The following LEMD3 variants were observed in gnomAD, a reference collection of about 807,000 sequenced individuals.
LEMD3 encodes the protein inner nuclear membrane protein Man1.
Under a neutral mutation model 95.2 loss-of-function variants are expected in LEMD3, and 33 were observed. That is an observed-to-expected ratio of 0.35 (90% confidence interval 0.26 to 0.46). LEMD3 has a LOEUF of 0.46. Among genes scored for constraint, LEMD3 ranks in the 20% least tolerant of loss-of-function variants. The pLI, the probability that LEMD3 is intolerant of heterozygous loss-of-function variation, is 1.00. For missense variants in LEMD3, 1,210 were observed against 1,192.8 expected (o/e 1.01, Z -0.21); for synonymous variants, 525 against 474.6 (o/e 1.11, Z -1.38).
intron 1 of LEMD3, among the ~76,000 whole-genome samples, chr12:65,210,361 G>T (rs570974753): frequency 6.6e-6 from 1 of 152,162 alleles, no homozygotes; most frequent in East Asian, 1.9e-4. Context: ...AAAGCATCTT[G>T]TAGATTTCTT....
intron 1 of LEMD3, among the ~76,000 whole-genome samples, chr12:65,207,111 G>A (rs1169831370): frequency 2.0e-5 from 3 of 152,092 alleles, no homozygotes; most frequent in Non-Finnish European, 4.4e-5. Context: ...AGGATGAAAT[G>A]AGGTACCTCT....
In LEMD3 at chr12:65,173,768, A is replaced by G. The variant is rs17824287; in HGVS notation, c.1522+2650A>G. Among the ~76,000 whole-genome samples the G allele has an allele frequency of 2.1e-4, 32 of 152,314 alleles. No homozygotes were observed. In the East Asian group the frequency reaches 6.2e-3, roughly 29 times the overall value. ...TAACATTTGATTTTTATCCCATTAA[A>G]TATACATTATAGAAATTAATACAGA... On this transcript the variant is annotated intron_variant, in intron 1 of 12. Transcript: ENST00000308330.
chr12:65,193,361 T>C (rs1322035309), intron 1 of LEMD3, among the ~76,000 whole-genome samples: 2 of 152,140 alleles, frequency 1.3e-5, no homozygotes, highest in Non-Finnish European at 2.9e-5. Flanking sequence ...CTTGCATCCC[T>C]TTTCCCATGA....
rs191065202 is a variant in LEMD3, at chr12:65,241,575, T to C, written c.2305+488T>C. Among the ~76,000 whole-genome samples the C allele has an allele frequency of 2.5e-3, 380 of 152,230 alleles. 1 individual carries two copies. The highest frequency in any genetic ancestry group is 3.2e-3 in the Non-Finnish European group (220 of 68,016). ...ACTTTTGTGGGTATCTTTCCATATT[T>C]TTCTTAATGCCTACATAGTTTCAAA... On this transcript the variant is annotated intron_variant, in intron 9 of 12. Transcript: ENST00000308330.
At chr12:65,201,608 T>G (rs1869601996) in intron 1 of LEMD3, among the ~76,000 whole-genome samples, 1 of 152,214 alleles carries the variant, frequency 6.6e-6, no homozygotes, top group Non-Finnish European at 1.5e-5. Flanking sequence ...TACTGGCATA[T>G]AGCAAAGTAG....
intron 1 of LEMD3, among the ~76,000 whole-genome samples, chr12:65,188,170 C>T (rs957737154): frequency 6.6e-6 from 1 of 151,642 alleles, no homozygotes; most frequent in Admixed American, 6.6e-5. Context: ...TTTTTTCCCC[C>T]TCCAGTATAG....
intron 1 of LEMD3, 96 bp downstream of exon 1, chr12:65,171,214 C>T: frequency 6.3e-7 from 1 of 1,579,124 alleles, no homozygotes; most frequent in Admixed American, 1.7e-5. Flanking sequence ...GACTTACCTG[C>T]AAGAATATGG....
intron 10 of LEMD3, among the ~76,000 whole-genome samples, chr12:65,244,866 G>A (rs1367196030): frequency 6.6e-6 from 1 of 151,946 alleles, no homozygotes; most frequent in African/African-American, 2.4e-5. Flanking sequence ...TGGGAGAATG[G>A]TTTGAGCCTG....
intron 1 of LEMD3, among the ~76,000 whole-genome samples, chr12:65,182,416 A>G (rs1868935042): frequency 1.3e-5 from 2 of 152,172 alleles, no homozygotes; most frequent in Admixed American, 1.3e-4. Context: ...ATAGGACTTA[A>G]CAGCTATAGT....
Position 65,238,653 on chromosome 12 carries a change from A to C in LEMD3, c.1776-16A>C, listed in dbSNP as rs1870843072. On this transcript the variant is annotated splice_polypyrimidine_tract_variant and intron_variant, in intron 5 of 12. Transcript: ENST00000308330. Reference sequence around the variant, plus strand: ...GGTTTTTGACTTTAAATTCTACCTTACTTATTTTTAAATAGGTGTGTTGGT... The same window carrying C: ...GGTTTTTGACTTTAAATTCTACCTTCCTTATTTTTAAATAGGTGTGTTGGT... 1 of 1,613,780 alleles carries C rather than the reference A, an allele frequency of 6.2e-7. No individual in the cohort carries two copies. The highest frequency in any genetic ancestry group is 1.1e-5 in the South Asian group (1 of 91,078).
intron 1 of LEMD3, among the ~76,000 whole-genome samples, chr12:65,178,405 G>A (rs767287521): frequency 1.3e-5 from 2 of 152,060 alleles, no homozygotes; most frequent in Non-Finnish European, 2.9e-5. Context: ...ATATATCCAC[G>A]GAGACTAGTT....
At chr12:65,218,435 A>T in intron 3 of LEMD3, 117 bp from the exon 4 acceptor site, 1 of 565,862 alleles carries the variant, frequency 1.8e-6, no homozygotes, top group Non-Finnish European at 3.1e-6. Context: ...TTCTTTACTG[A>T]TTATAATAAT....
At chr12:65,214,323 C>T (rs762526329) in intron 2 of LEMD3, among the ~76,000 whole-genome samples, 1 of 152,106 alleles carries the variant, frequency 6.6e-6, no homozygotes, top group Non-Finnish European at 1.5e-5. Flanking sequence ...TCTAATTTTG[C>T]AGTTTGAATT....
chr12:65,216,070 TA>T, intron 3 of LEMD3, 27 bp downstream of exon 3: 2 of 1,450,544 alleles, frequency 1.4e-6, no homozygotes, highest in Non-Finnish European at 1.9e-6. Flanking sequence ...TTATAGTTGC[TA>T]AAAATGTTTT....
At chr12:65,189,815 G>T (rs1171341174) in intron 1 of LEMD3, among the ~76,000 whole-genome samples, 3 of 152,110 alleles carry the variant, frequency 2.0e-5, no homozygotes, top group Admixed American at 6.6e-5. Flanking sequence ...ATTTTTAAAG[G>T]CATCTCAGAT....
rs185492619 is a variant in LEMD3 at position 65,223,961 on chromosome 12, C to T, written c.1695+5342C>T. Among the ~76,000 whole-genome samples the T allele has an allele frequency of 5.3e-4, 80 of 151,774 alleles. 1 individual carries two copies. The highest frequency in any genetic ancestry group is 1.3e-3 in the Admixed American group (20 of 15,264). On this transcript the variant is annotated intron_variant, in intron 4 of 12. Coordinates refer to ENST00000308330, the MANE Select transcript of LEMD3 (RefSeq NM_014319.5). ...CTTATATTCACAGTAATATTTTAAC[C>T]TGATAACACCTTAACTTTAGTCACA...
chr12:65,183,615 G>A (rs1447542328), intron 1 of LEMD3, among the ~76,000 whole-genome samples: 1 of 152,144 alleles, frequency 6.6e-6, no homozygotes, highest in East Asian at 1.9e-4. Context: ...CAGGTAGTCT[G>A]TAGAGGAGCA....
At chr12:65,229,477 G>A (rs1437580181) in intron 4 of LEMD3, among the ~76,000 whole-genome samples, 1 of 152,126 alleles carries the variant, frequency 6.6e-6, no homozygotes, top group Non-Finnish European at 1.5e-5. Context: ...TGCAATGCCT[G>A]TACTGATTTA....
chr12:65,196,400 A>T (rs893706653), intron 1 of LEMD3, among the ~76,000 whole-genome samples: 6 of 151,954 alleles, frequency 3.9e-5, no homozygotes, highest in Non-Finnish European at 5.9e-5. Flanking sequence ...GTGCCTTGCA[A>T]ATGAAATTTT....
Sources: gnomAD v4.1 joint callset for allele counts (sites outside exome capture counted in the v4.1 genomes callset) on GRCh38, gnomAD v4.1.1 for gene constraint, MANE v1.5 for transcripts, NCBI Gene and HGNC (gene_info 2026-07-23, HGNC 2026-07-21) for gene names.